The following TMEM230 variants were observed in gnomAD, a reference collection of about 807,000 sequenced individuals.
The protein encoded by TMEM230 is transmembrane protein 230.
In TMEM230, 10 loss-of-function variants were observed where a neutral mutation model predicts 15.8. The ratio of observed to expected loss-of-function variants is 0.63; its 90% CI spans 0.39 to 1.07. The LOEUF (loss-of-function observed/expected upper bound fraction) is 1.07. Among genes scored for constraint, TMEM230 ranks in the 50% least tolerant of loss-of-function variants. TMEM230 has a pLI of 0.01. For synonymous variants in TMEM230, 67 were observed against 76.9 expected (o/e 0.87, Z 0.68); for missense variants, 165 against 193.3 (o/e 0.85, Z 0.87).
At chr20:5,067,409 T>TAATA, downstream of TMEM230, 1 of 73,812 alleles carries the variant, frequency 1.4e-5, no homozygotes, top group Non-Finnish European at 2.7e-5. Flanking sequence ...GTGTTTAGGC[T>TAATA]CATATATATA....
chr20:5,082,229 T>C (rs1194467721), intron 3 of TMEM230, among the ~76,000 whole-genome samples: 1 of 109,722 alleles, frequency 9.1e-6, no homozygotes, highest in Non-Finnish European at 2.1e-5. Context: ...TGTTTCTCTC[T>C]CTCTTTCTCT....
chr20:5,100,881 T>C lies in TMEM230; in HGVS notation c.462A>G (p.Leu154=). Residue 154 remains leucine (L), a synonymous_variant, in exon 5 of 5, where the codon CTA becomes CTG. Coordinates refer to ENST00000342308, the MANE Select transcript of TMEM230 (RefSeq NM_001009923.2). ...CGATGCGCAGGTGGTAAAATCCGGG[T>C]AGGAACACCAGAATGCCAATGATCA... 6.2e-7 allele frequency: 1 copy of C among 1,614,170 alleles called. No individual in the cohort carries two copies.
chr20:5,059,122 G>T, the TMEM230 span, among the ~76,000 whole-genome samples: 1 of 152,014 alleles, frequency 6.6e-6, no homozygotes, highest in East Asian at 1.9e-4. Context: ...AATCTAAGTG[G>T]CTCAAAACTA....
At chr20:5,104,167 T>C (rs759255950) in intron 4 of TMEM230, among the ~76,000 whole-genome samples, 8 of 152,218 alleles carry the variant, frequency 5.3e-5, no homozygotes, top group Non-Finnish European at 1.0e-4. Flanking sequence ...CTTAACATCA[T>C]TGATCAAAGA....
rs141618836 is a variant in TMEM230, at chr20:5,069,330, C to T, written c.242G>A (p.Arg81Gln). The T allele has an allele frequency of 3.2e-4, 493 of 1,534,844 alleles. 1 individual carries two copies. The African/African-American group carries it at 6.0e-3, about 19-fold the overall frequency. The change falls in exon 4 of 4, where the codon CGG becomes CAG. Residue 81 changes from arginine (R) to glutamine (Q), a missense_variant. Arg to Gln is a conservative substitution (Grantham distance 43). Transcript: ENST00000612323. ...TTTGTGGTCAGCTTTCTTTTGTTCC[C>T]GTGAGGTGGATTCGAGACTCTGAGA...
At chr20:5,106,123 A>ACT in intron 4 of TMEM230, 65 bp downstream of exon 3, 1 of 1,532,254 alleles carries the variant, frequency 6.5e-7, no homozygotes, top group Non-Finnish European at 8.8e-7. Context: ...ACACACACGC[A>ACT]CACTAGAGCC....
At chr20:5,112,892 C>A in intron 1 of TMEM230, 69 bp downstream of exon 1, 1 of 1,547,842 alleles carries the variant, frequency 6.5e-7, no homozygotes, top group South Asian at 1.2e-5. Context: ...CGGCGGGGAG[C>A]GCGGTCTCGG....
intron 3 of TMEM230, among the ~76,000 whole-genome samples, chr20:5,071,372 C>T (rs1054390807): frequency 4.6e-5 from 7 of 152,040 alleles, no homozygotes; most frequent in African/African-American, 1.7e-4. Flanking sequence ...CACCTGTAAT[C>T]CCAGCACTTT....
chr20:5,066,599 G>T (rs1308128535), downstream of TMEM230, among the ~76,000 whole-genome samples: 1 of 151,756 alleles, frequency 6.6e-6, no homozygotes, highest in African/African-American at 2.4e-5. Context: ...TTGAACCCGG[G>T]GGGCAGAGGT....
chr20:5,084,326 A>G (rs1167803579), intron 3 of TMEM230, among the ~76,000 whole-genome samples: 1 of 142,356 alleles, frequency 7.0e-6, no homozygotes, highest in Non-Finnish European at 1.5e-5. Context: ...TGGGTTCAAG[A>G]GATTCTCCTG....
intron 4 of TMEM230, among the ~76,000 whole-genome samples, chr20:5,102,435 A>C (rs755779631): frequency 3.9e-5 from 6 of 152,144 alleles, no homozygotes; most frequent in Admixed American, 1.3e-4. Context: ...TCACTCCTGT[A>C]ATCCCAGCAC....
chr20:5,089,146 A>G (rs1160471569), intron 3 of TMEM230, among the ~76,000 whole-genome samples: 6 of 151,986 alleles, frequency 3.9e-5, no homozygotes, highest in African/African-American at 9.6e-5. Context: ...GGGCCGAAGC[A>G]GGCAGATCAC....
chr20:5,112,836 G>C, intron 1 of TMEM230, 125 bp downstream of exon 1: 6 of 1,539,632 alleles, frequency 3.9e-6, no homozygotes, highest in Non-Finnish European at 5.2e-6. Flanking sequence ...GGCCAACTGT[G>C]CCAGGGGGGA....
intron 3 of TMEM230, among the ~76,000 whole-genome samples, chr20:5,089,305 G>A (rs2089442248): frequency 6.6e-6 from 1 of 152,122 alleles, no homozygotes; most frequent in African/African-American, 2.4e-5. Flanking sequence ...AACCTGGGAG[G>A]CGGGGGTTGC....
At chr20:5,076,410 G>A (rs780443852) in intron 3 of TMEM230, among the ~76,000 whole-genome samples, 2 of 151,632 alleles carry the variant, frequency 1.3e-5, no homozygotes, top group Non-Finnish European at 2.9e-5. Flanking sequence ...GCATGGTGGC[G>A]GGCGCCTGTA....
At chr20:5,109,528 G>T in intron 2 of TMEM230, 83 bp from the exon 2 acceptor site, 3 of 1,063,920 alleles carry the variant, frequency 2.8e-6, no homozygotes, top group Non-Finnish European at 4.2e-6. Flanking sequence ...ATTATTAGAT[G>T]CTGTGCACTG....
chr20:5,070,265 C>T (rs183229905), intron 3 of TMEM230, among the ~76,000 whole-genome samples: 5 of 152,130 alleles, frequency 3.3e-5, no homozygotes, highest in South Asian at 2.1e-4. Context: ...CATCACCTAC[C>T]GGCCACATAA....
At chr20:5,075,545 T>A (rs867597772) in intron 3 of TMEM230, among the ~76,000 whole-genome samples, 9 of 144,600 alleles carry the variant, frequency 6.2e-5, no homozygotes, top group South Asian at 4.6e-4. Flanking sequence ...GCCAACATGG[T>A]TAAACCCCAT....
At chr20:5,111,988 A>G (rs2090346339) in intron 1 of TMEM230, among the ~76,000 whole-genome samples, 2 of 152,150 alleles carry the variant, frequency 1.3e-5, no homozygotes, top group African/African-American at 4.8e-5. Flanking sequence ...CTGGGACTAC[A>G]GGAGCCTGCT....
Sources: allele counts gnomAD v4.1 joint callset (sites outside exome capture counted in the v4.1 genomes callset), GRCh38; gene constraint gnomAD v4.1.1; transcripts MANE v1.5; gene names NCBI Gene and HGNC (gene_info 2026-07-23, HGNC 2026-07-21).